Variants in RASIP1 observed in about 807,000 individuals in gnomAD.
RASIP1 encodes ras-interacting protein 1.
A neutral mutation model predicts 85.3 loss-of-function variants in RASIP1; 20 were observed. That is an observed-to-expected ratio of 0.23 (90% CI 0.17 to 0.34). RASIP1 has a LOEUF of 0.34. Among genes scored for constraint, RASIP1 ranks in the 10% least tolerant of loss-of-function variants. The pLI is 1.00. For missense variants in RASIP1, 1,170 were observed against 1,390.9 expected, an observed-to-expected ratio of 0.84 and a Z score of 2.53; for synonymous variants, 617 against 647.1, an observed-to-expected ratio of 0.95 and a Z score of 0.71.
chr19:48,729,047 G>A lies in RASIP1; in HGVS notation c.1723C>T (p.Pro575Ser). The change falls in exon 5 of 12, where the codon CCC becomes TCC. Residue 575 changes from proline to serine, a missense_variant. This residue lies in a region of RASIP1 where 426 missense variants were observed against 576.2 expected (regional missense o/e 0.74). Coordinates refer to ENST00000222145, the MANE Select transcript of RASIP1 (RefSeq NM_017805.3). ...AGSGDLPPLG[P>S]ATLLALCVQH... is the part of the protein sequence containing the mutation. ...ACGCACAGCGCCAGCAGCGTGGCGGGCCCGAGGGGCGGCAGGTCTCCCGAG... is the reference window on the plus strand; with the variant it reads ...ACGCACAGCGCCAGCAGCGTGGCGGACCCGAGGGGCGGCAGGTCTCCCGAG... 1 of 1,400,012 alleles carries A rather than the reference G, an allele frequency of 7.1e-7. No homozygotes were observed. Among genetic ancestry groups the A allele is most frequent in the Non-Finnish European group, 9.2e-7 (1 of 1,086,644 alleles). 86.7% of individuals were successfully genotyped at this position (1,400,012 alleles called of 1,614,324 possible). A position where few individuals can be genotyped will look rare whatever the true frequency, so the allele number is the denominator to read the frequency against.
At chr19:48,735,628 A>C in intron 3 of RASIP1, 77 bp from the exon 4 acceptor site, 2 of 1,365,014 alleles carry the variant, frequency 1.5e-6, no homozygotes, top group Non-Finnish European at 1.9e-6. Flanking sequence ...TATGAGACAA[A>C]GAACTGGTTG....
intron 4 of RASIP1, among the ~76,000 whole-genome samples, chr19:48,731,682 T>A (rs889313371): frequency 2.0e-5 from 3 of 152,110 alleles, no homozygotes; most frequent in African/African-American, 7.2e-5. Context: ...TATGCATAGA[T>A]CCCCCTTCTA....
At position 48,735,396 on chromosome 19, in the gene RASIP1, C is replaced by CGCT. The variant is rs1304924043; in HGVS notation, c.976_978dup (p.Ser326dup). 3 of 1,612,864 alleles carry CGCT rather than the reference C, an allele frequency of 1.9e-6. No individual in the cohort carries two copies. The highest frequency in any genetic ancestry group is 2.5e-6 in the Non-Finnish European group (3 of 1,179,782). On this transcript the variant is annotated inframe_insertion, in exon 4 of 12. Coordinates refer to ENST00000222145, the MANE Select transcript of RASIP1 (RefSeq NM_017805.3). ...CGCCCCTGAAGGCTAAGCTCCGACA[C>CGCT]GCTGCGCCGCAAAGACAAGTTTTCT...
rs772681145 is a variant in RASIP1 at position 48,735,397 on chromosome 19, G to C, written c.978C>G (p.Ser326Arg). 1 of 1,612,798 alleles carries C rather than the reference G, an allele frequency of 6.2e-7. No individual in the cohort carries two copies. The highest frequency in any genetic ancestry group is 1.7e-5 in the Admixed American group (1 of 59,932). The change falls in exon 4 of 12, where the codon AGC becomes AGG. Residue 326 changes from serine to arginine, a missense_variant. Transcript: ENST00000222145. The part of the protein sequence containing the change: ...ERSENLSLRR[S>R]VSELSLQGRR... ...GCCCCTGAAGGCTAAGCTCCGACAC[G>C]CTGCGCCGCAAAGACAAGTTTTCTG...
In RASIP1 at chr19:48,720,624, ACATCCTAAGCC is replaced by A; in HGVS notation, c.*163_*173del. The A allele has an allele frequency of 1.5e-6, 1 of 678,976 alleles. No individual in the cohort carries two copies. The highest frequency in any genetic ancestry group is 2.5e-6 in the Non-Finnish European group (1 of 393,088). The allele number at this position is 678,976 out of a possible 1,614,324, so 42.1% of individuals were successfully genotyped here. On this transcript the variant is annotated 3_prime_UTR_variant, in exon 12 of 12. Coordinates refer to ENST00000222145, the MANE Select transcript of RASIP1 (RefSeq NM_017805.3). ...ATACCTTTATTGCTCCCTGGCATTC[ACATCCTAAGCC>A]CATGCTCCCACCGTCCCATCCGCTA... is the stretch of plus-strand genomic sequence containing the variant.
chr19:48,732,062 C>G (rs1451673003), intron 4 of RASIP1, among the ~76,000 whole-genome samples: 1 of 133,372 alleles, frequency 7.5e-6, no homozygotes, highest in Non-Finnish European at 1.7e-5. Flanking sequence ...TTTTTTTAAT[C>G]TCTTTTTTTT....
chr19:48,737,889 C>T (rs2033602546), intron 3 of RASIP1: 2 of 985,366 alleles, frequency 2.0e-6, no homozygotes, highest in Non-Finnish European at 1.2e-6. Context: ...CTTACTCTTC[C>T]GGCTCCTAGG....
chr19:48,740,366 G>T lies in RASIP1; in HGVS notation c.-4-80C>A. ...TGGAGGGAACCTGGACTCCGAGTCA[G>T]AGGGAGGAGGGGGCTGGGGCTCAGA... On this transcript the variant is annotated intron_variant, in intron 1 of 11. Transcript: ENST00000222145. The surrounding 1 kb of genome is among the most constrained non-coding windows in gnomAD (Gnocchi z 5.5). The T allele has an allele frequency of 6.7e-7, 1 of 1,493,758 alleles. No individual in the cohort carries two copies. 92.5% of individuals were successfully genotyped at this position (1,493,758 alleles called of 1,614,324 possible).
At chr19:48,723,721 C>T (rs1264717629) in intron 10 of RASIP1, among the ~76,000 whole-genome samples, 1 of 151,624 alleles carries the variant, frequency 6.6e-6, no homozygotes, top group African/African-American at 2.4e-5. Flanking sequence ...AGTTCATGTT[C>T]AATGAATGTT....
chr19:48,726,796 A>G lies in RASIP1; in HGVS notation c.2116T>C (p.Tyr706His). 1 of 1,612,306 alleles carries G rather than the reference A, an allele frequency of 6.2e-7. No homozygotes were observed. Among genetic ancestry groups the G allele is most frequent in the Admixed American group, 1.7e-5 (1 of 59,576 alleles). ...AGGCAAGGGCCAACCTTGGTGAGGTAGTAGACAGACTGCTGGAAGGTACAC... is the reference window on the plus strand; with the variant it reads ...AGGCAAGGGCCAACCTTGGTGAGGTGGTAGACAGACTGCTGGAAGGTACAC... The part of the protein sequence containing the change: ...IMCTFQQSVY[Y>H]LTKTLYSTLP... The change falls in exon 8 of 12, where the codon TAC becomes CAC. Residue 706 changes from tyrosine (Y) to histidine (H), a missense_variant. By Grantham distance (83) the Tyr-to-His change is moderately conservative. Around this residue, in one of 4 missense-constraint regions of RASIP1, gnomAD observed 426 missense variants for 576.2 expected, o/e 0.74. Coordinates refer to ENST00000222145, the MANE Select transcript of RASIP1 (RefSeq NM_017805.3).
At chr19:48,735,653 T>A in intron 3 of RASIP1, 102 bp from the exon 4 acceptor site, 1 of 1,158,952 alleles carries the variant, frequency 8.6e-7, no homozygotes, top group Non-Finnish European at 1.2e-6. Flanking sequence ...GAGGTGAGGC[T>A]GCTTCCCACA....
rs1318241653 is a variant in RASIP1 at position 48,738,951 on chromosome 19, G to A, written c.823+9C>T. ...GAGTCCCCGCCCCAGAGCCCCGCCC[G>A]CCGCTCACCTTCGCTGTCCGCGGCC... On this transcript the variant is annotated intron_variant, in intron 3 of 11. Coordinates refer to ENST00000222145, the MANE Select transcript of RASIP1 (RefSeq NM_017805.3). This position sits in a 1 kb window ranked among gnomAD's most constrained non-coding sequence, Gnocchi z 4.0. 3.1e-6 allele frequency: 3 copies of A among 958,056 alleles called. No individual in the cohort carries two copies. The highest frequency in any genetic ancestry group is 3.6e-6 in the Non-Finnish European group (3 of 823,330). The allele number at this position is 958,056 out of a possible 1,614,324, so 59.3% of individuals were successfully genotyped here.
At position 48,735,405 on chromosome 19, in the gene RASIP1, G is replaced by T. The variant is rs762669201; in HGVS notation, c.970C>A (p.Arg324=). The change falls in exon 4 of 12, where the codon CGG becomes AGG. Residue 324 remains arginine, a synonymous_variant. Transcript: ENST00000222145. ...AGGCTAAGCTCCGACACGCTGCGCC[G>T]CAAAGACAAGTTTTCTGAGCGCTCC... ...GKERSENLSL[R]RSVSELSLQG... 2 of 1,612,044 alleles carry T rather than the reference G, an allele frequency of 1.2e-6. No individual in the cohort carries two copies. The highest frequency in any genetic ancestry group is 1.3e-5 in the African/African-American group (1 of 74,916).
Position 48,740,173 on chromosome 19 carries a change from C to T in RASIP1, c.110G>A (p.Arg37Gln). ...GACAGAGGCTGCGCTGGGCCAGCGC[C>T]GCCCCAGCTTCGCCAGCTGCTTCCT... ...SPRKQLAKLGRRWPSAASVKS... is the reference protein window; with the variant it reads ...SPRKQLAKLGQRWPSAASVKS... The change falls in exon 2 of 12, where the codon CGG becomes CAG. Residue 37 changes from arginine to glutamine, a missense_variant. By Grantham distance (43) the Arg-to-Gln change is conservative. Around this residue, in one of 4 missense-constraint regions of RASIP1, gnomAD observed 299 missense variants for 394.4 expected, o/e 0.76. Transcript: ENST00000222145. This position sits in a 1 kb window ranked among gnomAD's most constrained non-coding sequence, Gnocchi z 5.5. The T allele has an allele frequency of 6.3e-7, 1 of 1,595,844 alleles. No homozygotes were observed.
At position 48,739,562 on chromosome 19, in the gene RASIP1, G is replaced by C; in HGVS notation, c.221C>G (p.Ala74Gly). The change falls in exon 3 of 12, where the codon GCT becomes GGT. Residue 74 changes from alanine (A) to glycine (G), a missense_variant. Ala to Gly is a moderately conservative substitution (Grantham distance 60). This residue lies in a region of RASIP1 where 299 missense variants were observed against 394.4 expected (regional missense o/e 0.76). Coordinates refer to ENST00000222145, the MANE Select transcript of RASIP1 (RefSeq NM_017805.3). This position sits in a 1 kb window ranked among gnomAD's most constrained non-coding sequence, Gnocchi z 9.2. The part of the protein sequence containing the change: ...PPHVELRRVG[A>G]VKAAGGASGS... ...GGAGGCTCCCCCGGCCGCCTTGACAGCGCCCACTCGCCGCAGCTCCACGTG... is the reference window on the plus strand; with the variant it reads ...GGAGGCTCCCCCGGCCGCCTTGACACCGCCCACTCGCCGCAGCTCCACGTG... 3 of 1,511,328 alleles carry C rather than the reference G, an allele frequency of 2.0e-6. No individual in the cohort carries two copies. The allele number at this position is 1,511,328 out of a possible 1,614,324, so 93.6% of individuals were successfully genotyped here.
intron 8 of RASIP1, among the ~76,000 whole-genome samples, chr19:48,726,193 G>A (rs1601276336): frequency 1.3e-5 from 2 of 152,066 alleles, no homozygotes; most frequent in East Asian, 3.9e-4. Context: ...CCAAAGTGCT[G>A]GGATTACAGG....
intron 8 of RASIP1, chr19:48,725,332 A>T (rs1263803223): frequency 4.9e-6 from 1 of 202,122 alleles, no homozygotes; most frequent in African/African-American, 2.3e-5. Flanking sequence ...GCAGTTTGCC[A>T]GTGGAAAATG....
At position 48,721,978 on chromosome 19, in the gene RASIP1, G is replaced by T; in HGVS notation, c.2568C>A (p.Thr856=). The T allele has an allele frequency of 6.6e-7, 1 of 1,510,956 alleles. No individual in the cohort carries two copies. The highest frequency in any genetic ancestry group is 1.4e-5 in the African/African-American group (1 of 71,146). 93.6% of individuals were successfully genotyped at this position (1,510,956 alleles called of 1,614,324 possible). A position where few individuals can be genotyped will look rare whatever the true frequency, so the allele number is the denominator to read the frequency against. Residue 856 remains threonine (T), a synonymous_variant, in exon 11 of 12, where the codon ACC becomes ACA. Coordinates refer to ENST00000222145, the MANE Select transcript of RASIP1 (RefSeq NM_017805.3). ...LLKASWSSLR[T]DHPTLTPAQL... ...GGGCGGGGGTCAAGGTGGGGTGGTC[G>T]GTTCTTAGGCTGCTCCATGAAGCCT...
rs561757616 is a variant in RASIP1, at chr19:48,737,841, C to T, written c.823+1119G>A. On this transcript the variant is annotated intron_variant, in intron 3 of 11. Transcript: ENST00000222145. ...GGCCCCGCCCCACAACATGCCCCGC[C>T]CATCTGCTCTGCATCGCTCCCAAGA... The T allele has an allele frequency of 1.0e-3, 1,027 of 985,390 alleles. 11 individuals are homozygous for T. The highest frequency in any genetic ancestry group is 3.1e-3 in the Middle Eastern group (6 of 1,914). 61.0% of individuals were successfully genotyped at this position (985,390 alleles called of 1,614,324 possible). A position where few individuals can be genotyped will look rare whatever the true frequency, so the allele number is the denominator to read the frequency against.
Sources: allele counts gnomAD v4.1 joint callset (sites outside exome capture counted in the v4.1 genomes callset), GRCh38; gene constraint gnomAD v4.1.1; regional missense constraint gnomAD v4.1.1; non-coding constraint Gnocchi (gnomAD v3.1); transcripts MANE v1.5; gene names NCBI Gene and HGNC (gene_info 2026-07-23, HGNC 2026-07-21).